CNBD1: variants seen among roughly 807,000 people sequenced by gnomAD.
CNBD1 encodes the protein cyclic nucleotide-binding domain-containing protein 1.
A neutral mutation model predicts 54.4 loss-of-function variants in CNBD1; 71 were observed. That is an observed-to-expected ratio of 1.30 (90% CI 1.08 to 1.59). CNBD1 has a LOEUF of 1.59. Ranked by LOEUF, CNBD1 falls within the 40% of genes most tolerant of loss-of-function variation. The pLI is 0.00. For missense variants in CNBD1, 659 were observed against 518.0 expected, an observed-to-expected ratio of 1.27 and a Z score of -2.64; for synonymous variants, 182 against 170.7, an observed-to-expected ratio of 1.07 and a Z score of -0.51.
At chr8:87,110,289 T>G (rs1294407596) in intron 4 of CNBD1, among the ~76,000 whole-genome samples, 1 of 152,196 alleles carries the variant, frequency 6.6e-6, no homozygotes, top group East Asian at 1.9e-4. Context: ...GATTCCACAC[T>G]GAATTATACA....
intron 4 of CNBD1, among the ~76,000 whole-genome samples, chr8:87,030,851 C>T (rs1809768097): frequency 9.0e-6 from 1 of 111,480 alleles, no homozygotes; most frequent in Non-Finnish European, 1.8e-5. Flanking sequence ...CTCCCCTCTC[C>T]TCCCTCTCCT....
At chr8:87,398,057 T>C (rs911457728) in intron 2 of CNBD1, among the ~76,000 whole-genome samples, 23 of 151,868 alleles carry the variant, frequency 1.5e-4, no homozygotes, top group African/African-American at 5.3e-4. Context: ...GGTATATCTT[T>C]ATCAGTGAAA....
At chr8:87,302,988 G>T (rs1490857895) in intron 8 of CNBD1, among the ~76,000 whole-genome samples, 3 of 151,350 alleles carry the variant, frequency 2.0e-5, no homozygotes, top group Admixed American at 2.0e-4. Context: ...AATAAAAGAG[G>T]ATACAAACAA....
chr8:86,900,694 T>C (rs1808919174), intron 2 of CNBD1, among the ~76,000 whole-genome samples: 1 of 152,096 alleles, frequency 6.6e-6, no homozygotes, highest in Non-Finnish European at 1.5e-5. Flanking sequence ...AAATGAAAGG[T>C]TTAAATACTT....
At chr8:87,188,930 A>G (rs1280888703) in intron 4 of CNBD1, among the ~76,000 whole-genome samples, 1 of 151,974 alleles carries the variant, frequency 6.6e-6, no homozygotes, top group Non-Finnish European at 1.5e-5. Context: ...GCACAAGAAA[A>G]AGATAAATAG....
At chr8:87,287,408 G>A (rs1335310782) in intron 8 of CNBD1, among the ~76,000 whole-genome samples, 1 of 152,098 alleles carries the variant, frequency 6.6e-6, no homozygotes, top group East Asian at 1.9e-4. Context: ...AGAGGATGGC[G>A]ACCTCGACTC....
At chr8:86,879,485 A>T (rs1302456272) in intron 1 of CNBD1, among the ~76,000 whole-genome samples, 2 of 152,220 alleles carry the variant, frequency 1.3e-5, no homozygotes, top group Non-Finnish European at 2.9e-5. Context: ...AGTATGGATG[A>T]GTTTTTTAAG....
chr8:87,286,653 A>G lies in CNBD1; in HGVS notation c.1024A>G (p.Lys342Glu). Residue 342 changes from lysine to glutamate, a missense_variant, in exon 8 of 11, where the codon AAA (lysine) becomes GAA (glutamate). Lys to Glu is a moderately conservative substitution (Grantham distance 56, BLOSUM62 1). Transcript: ENST00000518476. ...GCTAATTGCACTCCTTAAATGGAAAAAATTTCCTCCAGGTCATGGTAAGTT... is the reference window on the plus strand; with the variant it reads ...GCTAATTGCACTCCTTAAATGGAAAGAATTTCCTCCAGGTCATGGTAAGTT... ...YELIALLKWK[K>E]FPPGHVIVES... is the part of the protein sequence containing the mutation. 1 of 1,542,948 alleles carries G rather than the reference A, an allele frequency of 6.5e-7. No individual in the cohort carries two copies.
At chr8:87,350,508 C>T (rs969747121) in intron 8 of CNBD1, among the ~76,000 whole-genome samples, 1 of 151,522 alleles carries the variant, frequency 6.6e-6, no homozygotes, top group South Asian at 2.1e-4. Context: ...ACAATTGTTA[C>T]CGTGTTATTT....
At chr8:87,055,367 C>T (rs886707246) in intron 4 of CNBD1, among the ~76,000 whole-genome samples, 1 of 152,172 alleles carries the variant, frequency 6.6e-6, no homozygotes, top group Non-Finnish European at 1.5e-5. Flanking sequence ...AACTGTGGGA[C>T]ATTCCTAGGT....
intron 4 of CNBD1, among the ~76,000 whole-genome samples, chr8:86,997,592 T>C (rs1563852553): frequency 6.6e-6 from 1 of 152,186 alleles, no homozygotes; most frequent in Non-Finnish European, 1.5e-5. Context: ...AAATAGGGCC[T>C]GTAAAAGTGG....
intron 7 of CNBD1, 30 bp downstream of exon 7, chr8:87,284,845 C>A (rs1341258717): frequency 1.4e-6 from 2 of 1,467,544 alleles, no homozygotes; most frequent in Non-Finnish European, 1.8e-6. Context: ...TTTATATAAA[C>A]AAAAATTGGG....
intron 8 of CNBD1, among the ~76,000 whole-genome samples, chr8:87,327,614 G>T (rs1809709922): frequency 6.6e-6 from 1 of 152,198 alleles, no homozygotes. Flanking sequence ...GGAACTCCCT[G>T]ACCCCTTGCG....
chr8:86,979,301 C>T (rs1205909772), intron 4 of CNBD1, among the ~76,000 whole-genome samples: 1 of 144,842 alleles, frequency 6.9e-6, no homozygotes, highest in East Asian at 2.1e-4. Context: ...TGTGGTGGCT[C>T]ATGCTTGTAA....
At chr8:87,153,140 T>C (rs924053209) in intron 4 of CNBD1, among the ~76,000 whole-genome samples, 36 of 152,130 alleles carry the variant, frequency 2.4e-4, no homozygotes, top group African/African-American at 8.2e-4. Flanking sequence ...GTTGATGACT[T>C]TCCTAATTGA....
intron 4 of CNBD1, among the ~76,000 whole-genome samples, chr8:87,041,768 C>T (rs1283693112): frequency 6.6e-6 from 1 of 152,094 alleles, no homozygotes. Flanking sequence ...CACTGCACTC[C>T]AGCCCGAGCG....
intron 3 of CNBD1, among the ~76,000 whole-genome samples, chr8:86,907,761 C>A (rs1174197127): frequency 6.6e-6 from 1 of 151,942 alleles, no homozygotes; most frequent in Non-Finnish European, 1.5e-5. Flanking sequence ...GAATTTTCTT[C>A]TAAGCTTAGT....
chr8:87,106,999 T>C (rs1483726391), intron 4 of CNBD1, among the ~76,000 whole-genome samples: 1 of 151,988 alleles, frequency 6.6e-6, no homozygotes, highest in Non-Finnish European at 1.5e-5. Flanking sequence ...CGGCTAATTT[T>C]TTGTATTTTT....
At chr8:86,977,316 T>G (rs1367356513) in intron 4 of CNBD1, among the ~76,000 whole-genome samples, 2 of 152,148 alleles carry the variant, frequency 1.3e-5, no homozygotes, top group African/African-American at 4.8e-5. Context: ...CTTCTCATTC[T>G]GATACACTAA....
Sources: allele counts gnomAD v4.1 joint callset (sites outside exome capture counted in the v4.1 genomes callset), GRCh38; gene constraint gnomAD v4.1.1; transcripts MANE v1.5; gene names NCBI Gene and HGNC (gene_info 2026-07-23, HGNC 2026-07-21).